CPSF1: variants seen among roughly 807,000 people sequenced by gnomAD.
The protein encoded by CPSF1 is cleavage and polyadenylation specific factor 1, also known as cleavage and polyadenylation specificity factor subunit 1.
CPSF1 carries 106 observed loss-of-function variants against 175.8 expected under a neutral mutation model. The ratio of observed to expected loss-of-function variants is 0.60; its 90% CI spans 0.52 to 0.71. CPSF1 has a LOEUF of 0.71. Among genes scored for constraint, CPSF1 ranks in the 30% least tolerant of loss-of-function variants. The pLI is 0.00. For synonymous variants in CPSF1, 1,024 were observed against 858.3 expected (o/e 1.19, Z -3.37); for missense variants, 1,734 against 2,022.9 (o/e 0.86, Z 2.74).
rs1821649809 is a variant in CPSF1, at chr8:144,409,003, G to C, written c.144+12C>G. 1.2e-6 allele frequency: 2 copies of C among 1,611,776 alleles called. No individual in the cohort carries two copies. The highest frequency in any genetic ancestry group is 1.7e-6 in the Non-Finnish European group (2 of 1,179,198). On this transcript the variant is annotated intron_variant, in intron 2 of 37. Transcript: ENST00000616140. Reference sequence around the variant, plus strand: ...CGCGGACAGCCGGGAGGGCTCCCAGGGCCCGACCTACCTCGGCGTCGCGGT... The same window carrying C: ...CGCGGACAGCCGGGAGGGCTCCCAGCGCCCGACCTACCTCGGCGTCGCGGT...
At chr8:144,397,448 G>T (rs782544114) in intron 22 of CPSF1, 35 bp from the exon 23 acceptor site, 1 of 1,584,056 alleles carries the variant, frequency 6.3e-7, no homozygotes, top group Non-Finnish European at 8.6e-7. Flanking sequence ...GAGGCAGGTG[G>T]GTGGAACCCG....
At chr8:144,408,793 C>T (rs2116911826) in intron 2 of CPSF1, among the ~76,000 whole-genome samples, 8 of 152,190 alleles carry the variant, frequency 5.3e-5, no homozygotes, top group Non-Finnish European at 1.0e-4. Flanking sequence ...GCTAGGGCAG[C>T]GCGCCCTTCC....
chr8:144,394,201 G>A, intron 33 of CPSF1, 33 bp downstream of exon 33: 1 of 1,611,916 alleles, frequency 6.2e-7, no homozygotes, highest in Non-Finnish European at 8.5e-7. Context: ...GCCACCCCCA[G>A]AGCCTCAGCT....
chr8:144,399,521 C>T lies in CPSF1; in HGVS notation c.1243-18G>A, dbSNP rs1821020637. On this transcript the variant is annotated intron_variant, in intron 12 of 37. Coordinates refer to ENST00000616140, the MANE Select transcript of CPSF1 (RefSeq NM_013291.3). This position sits in a 1 kb window ranked among gnomAD's most constrained non-coding sequence, Gnocchi z 6.4. ...GGCTCTTCCTGTGAGGCAGGAGGGG[C>T]ACTGAGTGGCATGCCACAGCAGTGC... 2 of 1,612,324 alleles carry T rather than the reference C, an allele frequency of 1.2e-6. No homozygotes were observed. Among genetic ancestry groups the T allele is most frequent in the African/African-American group, 1.3e-5 (1 of 75,032 alleles).
At position 144,401,202 on chromosome 8, in the gene CPSF1, C is replaced by T. The variant is rs2116882653; in HGVS notation, c.387+9G>A. ...CGGGGCCTGGGCGGGGGCGGGAGCG[C>T]GGCCCTACCCGAAGCTCAGGCTCCT... is the stretch of plus-strand genomic sequence containing the variant. On this transcript the variant is annotated intron_variant, in intron 5 of 37. Transcript: ENST00000616140. 9.0e-6 allele frequency: 14 copies of T among 1,549,022 alleles called. No individual in the cohort carries two copies. The highest frequency in any genetic ancestry group is 4.9e-5 in the East Asian group (2 of 40,930).
chr8:144,394,059 G>T (rs1554862555), intron 34 of CPSF1, 21 bp from the exon 35 acceptor site: 4 of 1,610,896 alleles, frequency 2.5e-6, no homozygotes, highest in Non-Finnish European at 3.4e-6. Context: ...AAGGCCTAGG[G>T]GTCACTGCTA....
At chr8:144,396,270 C>T (rs1820719826) in intron 26 of CPSF1, 78 bp downstream of exon 26, 2 of 1,422,590 alleles carry the variant, frequency 1.4e-6, no homozygotes, top group East Asian at 2.5e-5. Flanking sequence ...GCCAATGGTC[C>T]CTTCTCCTGT....
chr8:144,397,099 G>T, intron 23 of CPSF1, 108 bp downstream of exon 23: 2 of 1,135,928 alleles, frequency 1.8e-6, no homozygotes, highest in South Asian at 1.5e-5. Flanking sequence ...GGGAAGGGGC[G>T]GGGCCGTGGG....
rs782393774 is a variant in CPSF1 at position 144,397,840 on chromosome 8, T to C, written c.2113A>G (p.Ser705Gly). The C allele has an allele frequency of 4.3e-6, 7 of 1,611,160 alleles. No homozygotes were observed. Among genetic ancestry groups the C allele is most frequent in the South Asian group, 3.3e-5 (3 of 91,064 alleles). Residue 705 changes from serine to glycine, a missense_variant, in exon 21 of 38, where the codon AGC becomes GGC. Ser to Gly is a moderately conservative substitution (Grantham distance 56). Transcript: ENST00000616140. Reference protein sequence around the residue: ...VITLCLYRDLSGMFTTESRLG... With the variant: ...VITLCLYRDLGGMFTTESRLG... Reference sequence around the variant, plus strand: ...CGGCTCTCAGTGGTGAACATGCCGCTGAGGTCTCGGTACAGGCACAGCGTA... The same window carrying C: ...CGGCTCTCAGTGGTGAACATGCCGCCGAGGTCTCGGTACAGGCACAGCGTA...
At chr8:144,398,717 G>A (rs921218371) in intron 17 of CPSF1, 62 bp downstream of exon 17, 28 of 1,595,340 alleles carry the variant, frequency 1.8e-5, no homozygotes, top group South Asian at 7.8e-5. Context: ...GGGCACCCCC[G>A]GCCTATGAGA....
chr8:144,407,464 C>T (rs1424240912), intron 2 of CPSF1, among the ~76,000 whole-genome samples: 2 of 152,078 alleles, frequency 1.3e-5, no homozygotes, highest in African/African-American at 4.8e-5. Context: ...AGTGGACTGC[C>T]TGAGCTCAGG....
intron 9 of CPSF1, 28 bp downstream of exon 9, chr8:144,400,138 C>G (rs2116871796): frequency 1.7e-6 from 2 of 1,185,666 alleles, no homozygotes; most frequent in Non-Finnish European, 2.4e-6. Context: ...TCCCCGGGCC[C>G]CCCCCGCCCC....
rs2116883039 is a variant in CPSF1, at chr8:144,401,259, A to T, written c.339T>A (p.His113Gln). The T allele has an allele frequency of 5.8e-6, 9 of 1,553,060 alleles. No individual in the cohort carries two copies. Among genetic ancestry groups the T allele is most frequent in the Non-Finnish European group, 6.1e-6 (7 of 1,148,314 alleles). The change falls in exon 5 of 38, where the codon CAT becomes CAA. Residue 113 changes from histidine (H) to glutamine (Q), a missense_variant. This residue lies in a region of CPSF1 where 122 missense variants were observed against 177.2 expected (regional missense o/e 0.69). Coordinates refer to ENST00000616140, the MANE Select transcript of CPSF1 (RefSeq NM_013291.3). Reference sequence around the variant, plus strand: ...AGTGCAGTGACAGGGTCTTCAGGTCATGGGTGCCCGGGTCGTACTCCACCA... The same window carrying T: ...AGTGCAGTGACAGGGTCTTCAGGTCTTGGGTGCCCGGGTCGTACTCCACCA... ...LSVVEYDPGT[H>Q]DLKTLSLHYF...
intron 25 of CPSF1, 28 bp downstream of exon 25, chr8:144,396,568 CCA>C (rs782464530): frequency 3.0e-5 from 49 of 1,609,560 alleles, no homozygotes; most frequent in Non-Finnish European, 4.0e-5. Context: ...CTCCCTTCTA[CCA>C]CAGACCCCTG....
rs1256320168 is a variant in CPSF1 at position 144,409,274 on chromosome 8, C to T, written c.-15+15G>A. 7 of 975,716 alleles carry T rather than the reference C, an allele frequency of 7.2e-6. No individual in the cohort carries two copies. In the African/African-American group the frequency reaches 1.0e-4, roughly 14 times the overall value. 60.4% of individuals were successfully genotyped at this position (975,716 alleles called of 1,614,324 possible). A position where few individuals can be genotyped will look rare whatever the true frequency, so the allele number is the denominator to read the frequency against. ...GCCTCGCGCTGCCGCCTCGGCCGCC[C>T]GCCCGGCCGCCCACCTGGCAGTTGG... On this transcript the variant is annotated intron_variant, in intron 1 of 37. Transcript: ENST00000616140.
chr8:144,396,746 G>C lies in CPSF1; in HGVS notation c.2683-5C>G, dbSNP rs782395029. On this transcript the variant is annotated splice_region_variant and splice_polypyrimidine_tract_variant and intron_variant, in intron 24 of 37. Coordinates refer to ENST00000616140, the MANE Select transcript of CPSF1 (RefSeq NM_013291.3). ...GAAGTTGATGTTGTGAGGGACCTGG[G>C]GGGGAACCATGCAGGTCCTCCAGGG... 9.9e-6 allele frequency: 16 copies of C among 1,613,862 alleles called. No homozygotes were observed. Among genetic ancestry groups the C allele is most frequent in the Non-Finnish European group, 9.3e-6 (11 of 1,179,940 alleles).
In CPSF1 at chr8:144,393,581, G is replaced by C; in HGVS notation, c.4155C>G (p.His1385Gln). ...CATTCTGGAGGGTGCGGCGGTCCAC[G>C]TGCAGCATCCTGGGGCGTACAGGCA... ...GLNPRAFRML[H>Q]VDRRTLQNAV... Residue 1385 changes from histidine to glutamine, a missense_variant, in exon 37 of 38, where the codon CAC becomes CAG. Transcript: ENST00000616140. 1 of 1,604,452 alleles carries C rather than the reference G, an allele frequency of 6.2e-7. No individual in the cohort carries two copies. The highest frequency in any genetic ancestry group is 1.7e-4 in the Middle Eastern group (1 of 6,018).
chr8:144,394,599 G>C, intron 31 of CPSF1, 44 bp from the exon 32 acceptor site: 1 of 1,602,126 alleles, frequency 6.2e-7, no homozygotes, highest in Non-Finnish European at 8.5e-7. Flanking sequence ...CGGGGAGCCG[G>C]GTGAGGGTGA....
chr8:144,400,651 G>C lies in CPSF1; in HGVS notation c.686+20C>G, dbSNP rs2116877201. On this transcript the variant is annotated intron_variant, in intron 7 of 37. Coordinates refer to ENST00000616140, the MANE Select transcript of CPSF1 (RefSeq NM_013291.3). ...AGCTAGGGGGCCCACAGTGCAGAGG[G>C]GCCTCCTTAGGGGGCTCACCCAGGC... 6 of 1,600,462 alleles carry C rather than the reference G, an allele frequency of 3.7e-6. No homozygotes were observed. In the South Asian group the frequency reaches 6.7e-5, roughly 18 times the overall value.
Sources: allele counts gnomAD v4.1 joint callset (sites outside exome capture counted in the v4.1 genomes callset), GRCh38; gene constraint gnomAD v4.1.1; regional missense constraint gnomAD v4.1.1; non-coding constraint Gnocchi (gnomAD v3.1); transcripts MANE v1.5; gene names NCBI Gene and HGNC (gene_info 2026-07-23, HGNC 2026-07-21).